Variants in HIP1 observed in about 807,000 individuals in gnomAD.
The protein encoded by HIP1 is huntingtin-interacting protein 1.
HIP1 carries 65 observed loss-of-function variants against 147.6 expected under a neutral mutation model. The observed-to-expected ratio is 0.44, with a 90% CI of 0.36 to 0.54. HIP1 has a LOEUF of 0.54. HIP1 is among the 20% of genes least tolerant of loss of function. HIP1 has a pLI of 0.00. For missense variants in HIP1, 1,061 were observed against 1,299.6 expected (o/e 0.82, Z 2.82); for synonymous variants, 479 against 504.0 (o/e 0.95, Z 0.67).
intron 1 of HIP1, among the ~76,000 whole-genome samples, chr7:75,660,013 C>A (rs573181961): frequency 6.6e-6 from 1 of 151,936 alleles, no homozygotes; most frequent in African/African-American, 2.4e-5. Context: ...GTAGTCCCAG[C>A]TACTCGGGAG....
At chr7:75,697,057 T>A (rs1294172241) in intron 1 of HIP1, among the ~76,000 whole-genome samples, 2 of 152,082 alleles carry the variant, frequency 1.3e-5, no homozygotes, top group Non-Finnish European at 2.9e-5. Context: ...ACCTGGAATT[T>A]ATCCAGGCAT....
chr7:75,651,460 CAAAAAA>C lies in HIP1; in HGVS notation c.121-52219_121-52214del, dbSNP rs1168846001. Among the ~76,000 whole-genome samples, 9 of 44,130 alleles carry C rather than the reference CAAAAAA, an allele frequency of 2.0e-4. 1 individual carries two copies. The highest frequency in any genetic ancestry group is 0.017 in the Middle Eastern group (1 of 60). 29.0% of individuals were successfully genotyped at this position (44,130 alleles called of 152,430 possible). A position where few individuals can be genotyped will look rare whatever the true frequency, so the allele number is the denominator to read the frequency against. ...GGTTACAGAGTGAGACTCCATATCT[CAAAAAA>C]AAAAAAAAAAAAAAAAAAAAAAAAA... On this transcript the variant is annotated intron_variant, in intron 1 of 30. Coordinates refer to ENST00000336926, the MANE Select transcript of HIP1 (RefSeq NM_005338.7).
At chr7:75,663,951 CATATATGTGTATATAT>C (rs1799401622) in intron 1 of HIP1, among the ~76,000 whole-genome samples, 1 of 112,244 alleles carries the variant, frequency 8.9e-6, no homozygotes, top group Admixed American at 9.2e-5. Flanking sequence ...TATATATACA[CATATATGTGTATATAT>C]ATATACACAT....
chr7:75,545,379 C>T (rs1359908973), intron 25 of HIP1, among the ~76,000 whole-genome samples, 191 bp from the exon 26 acceptor site: 4 of 152,152 alleles, frequency 2.6e-5, no homozygotes, highest in Non-Finnish European at 5.9e-5. Flanking sequence ...CAGTGGCGCT[C>T]GCCTGTAATC....
At chr7:75,735,307 C>A (rs1801981049) in intron 1 of HIP1, among the ~76,000 whole-genome samples, 1 of 152,160 alleles carries the variant, frequency 6.6e-6, no homozygotes, top group African/African-American at 2.4e-5. Flanking sequence ...GAGACCGTTT[C>A]CAGCTGTGTG....
chr7:75,719,904 A>G (rs1033650697), intron 1 of HIP1, among the ~76,000 whole-genome samples: 3 of 152,044 alleles, frequency 2.0e-5, no homozygotes, highest in Admixed American at 6.6e-5. Flanking sequence ...GGTCTCCCTC[A>G]GGTTTGGACT....
chr7:75,701,167 G>GC (rs1800818984), intron 1 of HIP1, among the ~76,000 whole-genome samples: 1 of 152,098 alleles, frequency 6.6e-6, no homozygotes. Flanking sequence ...GCTGAGTTGG[G>GC]CAGATCACTT....
intron 5 of HIP1, among the ~76,000 whole-genome samples, chr7:75,582,441 T>C (rs1554498806): frequency 6.6e-6 from 1 of 152,200 alleles, no homozygotes; most frequent in Admixed American, 6.5e-5. Context: ...GTGTGGTTTG[T>C]CCCTGTGGCA....
In HIP1 at chr7:75,646,416, C is replaced by T. The variant is rs143071397; in HGVS notation, c.121-47169G>A. ...TCATTAAATCTAATGAGCAGCTGTG[C>T]AGTGCTTTGCTGACCACAGGGTCTA... On this transcript the variant is annotated intron_variant, in intron 1 of 30. Transcript: ENST00000336926. Among the ~76,000 whole-genome samples the T allele has an allele frequency of 2.6e-5, 4 of 152,358 alleles. No homozygotes were observed. In the East Asian group the frequency reaches 7.7e-4, roughly 29 times the overall value.
chr7:75,607,550 AAAT>A (rs1400477165), intron 1 of HIP1, among the ~76,000 whole-genome samples: 12 of 141,556 alleles, frequency 8.5e-5, no homozygotes, highest in African/African-American at 2.6e-4. Flanking sequence ...AAAAAAAAAA[AAAT>A]TTGTCAAGTG....
At chr7:75,720,460 C>G (rs1801466980) in intron 1 of HIP1, among the ~76,000 whole-genome samples, 2 of 152,076 alleles carry the variant, frequency 1.3e-5, no homozygotes, top group African/African-American at 4.8e-5. Flanking sequence ...CATGCCCAGC[C>G]TCAAGTTTCT....
chr7:75,698,827 A>G (rs1800720745), intron 1 of HIP1, among the ~76,000 whole-genome samples: 2 of 152,100 alleles, frequency 1.3e-5, no homozygotes, highest in East Asian at 3.9e-4. Context: ...TCTTAAAAAA[A>G]AAAAAATCTA....
At chr7:75,538,345 A>C in intron 30 of HIP1, 121 bp from the exon 31 acceptor site, 1 of 796,658 alleles carries the variant, frequency 1.3e-6, no homozygotes, top group Non-Finnish European at 2.2e-6. Flanking sequence ...TGGTGTAATC[A>C]CATAGTCCCC....
At chr7:75,688,247 A>G (rs1055902125) in intron 1 of HIP1, among the ~76,000 whole-genome samples, 3 of 152,126 alleles carry the variant, frequency 2.0e-5, no homozygotes, top group Non-Finnish European at 2.9e-5. Flanking sequence ...TTGTGAAGCC[A>G]CCAGGGGTTC....
chr7:75,670,521 C>A (rs1249314783), intron 1 of HIP1, among the ~76,000 whole-genome samples: 2 of 152,062 alleles, frequency 1.3e-5, no homozygotes, highest in African/African-American at 4.8e-5. Context: ...ATAATTTGTG[C>A]AACCATCACG....
chr7:75,688,722 CG>C (rs1800348772), intron 1 of HIP1, among the ~76,000 whole-genome samples: 1 of 152,136 alleles, frequency 6.6e-6, no homozygotes, highest in African/African-American at 2.4e-5. Flanking sequence ...GTTGTTTGCA[CG>C]GGCCTCCCAG....
rs1437906195 is a variant in HIP1 at position 75,534,343 on chromosome 7, A to G, written c.*3829T>C. ...TACTGCTATGGACGGCTGCATCAGC[A>G]GACAATCTAAACTAGTCTCATTTAA... On this transcript the variant is annotated 3_prime_UTR_variant, in exon 31 of 31. Coordinates refer to ENST00000336926, the MANE Select transcript of HIP1 (RefSeq NM_005338.7). 1 of 217,242 alleles carries G rather than the reference A, an allele frequency of 4.6e-6. No homozygotes were observed. The highest frequency in any genetic ancestry group is 5.8e-5 in the Admixed American group (1 of 17,196). 13.5% of individuals were successfully genotyped at this position (217,242 alleles called of 1,614,324 possible). A position where few individuals can be genotyped will look rare whatever the true frequency, so the allele number is the denominator to read the frequency against.
intron 1 of HIP1, among the ~76,000 whole-genome samples, chr7:75,701,203 G>A (rs531209100): frequency 1.3e-5 from 2 of 152,062 alleles, no homozygotes; most frequent in East Asian, 3.9e-4. Context: ...AGACCAGCCT[G>A]GCCAACATGA....
intron 6 of HIP1, among the ~76,000 whole-genome samples, chr7:75,581,779 A>AAAAAAC (rs1158809166): frequency 6.6e-6 from 1 of 152,146 alleles, no homozygotes; most frequent in Non-Finnish European, 1.5e-5. Flanking sequence ...ACTGCCTCTC[A>AAAAAAC]AAAAACAAAA....
Sources: allele counts gnomAD v4.1 joint callset (sites outside exome capture counted in the v4.1 genomes callset), GRCh38; gene constraint gnomAD v4.1.1; transcripts MANE v1.5; gene names NCBI Gene and HGNC (gene_info 2026-07-23, HGNC 2026-07-21).